MLX: variants seen among roughly 807,000 people sequenced by gnomAD.
MLX encodes MAX dimerization protein MLX, also known as max-like protein X.
MLX carries 15 observed loss-of-function variants against 33.0 expected under a neutral mutation model. The observed-to-expected ratio is 0.45, with a 90% CI of 0.30 to 0.70. MLX has a LOEUF of 0.70. Among genes scored for constraint, MLX ranks in the 30% least tolerant of loss-of-function variants. The pLI, the probability that MLX is intolerant of heterozygous loss-of-function variation, is 0.07. For synonymous variants in MLX, 115 were observed against 115.6 expected (o/e 0.99, Z 0.03); for missense variants, 285 against 306.3 (o/e 0.93, Z 0.52).
rs772657220 is a variant in MLX at position 42,573,163 on chromosome 17, T to C, written c.*1560T>C. 10 of 1,614,226 alleles carry C rather than the reference T, an allele frequency of 6.2e-6. No individual in the cohort carries two copies. Among genetic ancestry groups the C allele is most frequent in the Admixed American group, 5.0e-5 (3 of 60,028 alleles). ...TCAAGTATTGCATCAGACAGCTCTG[T>C]AGCCTGACAAGAAATAAAACCACCC... On this transcript the variant is annotated 3_prime_UTR_variant, in exon 8 of 8. Transcript: ENST00000435881.
intron 7 of MLX, among the ~76,000 whole-genome samples, chr17:42,571,163 A>C (rs867009544): frequency 3.0e-5 from 4 of 131,220 alleles, no homozygotes; most frequent in East Asian, 4.6e-4. Flanking sequence ...TTTGAGACGG[A>C]GTCTCACTCT....
In MLX at chr17:42,572,822, G is replaced by A; in HGVS notation, c.*1219G>A. On this transcript the variant is annotated 3_prime_UTR_variant, in exon 8 of 8. Coordinates refer to ENST00000435881, the MANE Select transcript of MLX (RefSeq NM_198204.2). ...CCTCATCCTCTCTACCCAGTGCTCT[G>A]GTTTATGCTTGTCTCCTGACTGCTC... 1 of 960,770 alleles carries A rather than the reference G, an allele frequency of 1.0e-6. No homozygotes were observed. Among genetic ancestry groups the A allele is most frequent in the Non-Finnish European group, 1.6e-6 (1 of 612,648 alleles). 59.5% of individuals were successfully genotyped at this position (960,770 alleles called of 1,614,324 possible).
chr17:42,569,371 C>G, intron 5 of MLX, 68 bp downstream of exon 5: 1 of 1,541,662 alleles, frequency 6.5e-7, no homozygotes, highest in Non-Finnish European at 9.0e-7. Flanking sequence ...GTGCCTCCTA[C>G]CCACCCATGG....
rs547564696 is a variant in MLX, at chr17:42,571,679, G to C, written c.*76G>C. 3.3e-4 allele frequency: 464 copies of C among 1,390,766 alleles called. 1 individual carries two copies. The highest frequency in any genetic ancestry group is 4.6e-4 in the Non-Finnish European group (448 of 976,590). The allele number at this position is 1,390,766 out of a possible 1,614,324, so 86.2% of individuals were successfully genotyped here. ...ACGTGGCCACTGAACTGCTGGGCCC[G>C]GGAGACTGGACTACAACACCTCACA... On this transcript the variant is annotated 3_prime_UTR_variant, in exon 8 of 8. Transcript: ENST00000435881.
At position 42,570,106 on chromosome 17, in the gene MLX, G is replaced by A. The variant is rs199695342; in HGVS notation, c.601G>A (p.Ala201Thr). 32 of 1,614,028 alleles carry A rather than the reference G, an allele frequency of 2.0e-5. No individual in the cohort carries two copies. The East Asian group carries it at 6.7e-4, about 34-fold the overall frequency. Residue 201 changes from alanine (A) to threonine (T), a missense_variant, in exon 7 of 8, where the codon GCC becomes ACC. Physicochemically the swap from Ala to Thr is moderately conservative, Grantham distance 58 (BLOSUM62 0). Coordinates refer to ENST00000435881, the MANE Select transcript of MLX (RefSeq NM_198204.2). ...GGATTCCCTGTTCCAGTCCTTCAAT[G>A]CCTCCATCTCAGTGGCCAGCTTCCA... ...IMDSLFQSFN[A>T]SISVASFQEL...
chr17:42,572,159 G>A lies in MLX; in HGVS notation c.*556G>A, dbSNP rs1271506152. 5.8e-6 allele frequency: 2 copies of A among 345,056 alleles called. No individual in the cohort carries two copies. Among genetic ancestry groups the A allele is most frequent in the Non-Finnish European group, 1.1e-5 (2 of 177,136 alleles). 21.4% of individuals were successfully genotyped at this position (345,056 alleles called of 1,614,324 possible). On this transcript the variant is annotated 3_prime_UTR_variant, in exon 8 of 8. Transcript: ENST00000435881. ...CTGGTCAGTCCCAGGTGAGGCCAAG[G>A]GCTTTCTGGCCATCTCAGGGAGGGG... is the stretch of plus-strand genomic sequence containing the variant.
rs2093022381 is a variant in MLX at position 42,569,547 on chromosome 17, G to T, written c.417G>T (p.Lys139Asn). The change falls in exon 6 of 8, where the codon AAG becomes AAT. Residue 139 changes from lysine to asparagine, a missense_variant. By Grantham distance (94) the Lys-to-Asn change is moderately conservative (BLOSUM62 0). Transcript: ENST00000435881. ...YIQFLHKEKK[K>N]QEEEVSTLRK... The stretch of plus-strand genomic sequence containing the variant: ...AGTTTTTGCACAAGGAGAAGAAAAA[G>T]CAGGAGGAGGAGGTGTCCACGTTAC... The T allele has an allele frequency of 6.2e-7, 1 of 1,614,102 alleles. No individual in the cohort carries two copies. Among genetic ancestry groups the T allele is most frequent in the Non-Finnish European group, 8.5e-7 (1 of 1,180,022 alleles).
chr17:42,571,654 A>G lies in MLX; in HGVS notation c.*51A>G. 6.4e-7 allele frequency: 1 copy of G among 1,560,904 alleles called. No homozygotes were observed. Among genetic ancestry groups the G allele is most frequent in the Middle Eastern group, 1.7e-4 (1 of 5,898 alleles). On this transcript the variant is annotated 3_prime_UTR_variant, in exon 8 of 8. Coordinates refer to ENST00000435881, the MANE Select transcript of MLX (RefSeq NM_198204.2). ...GCCAACAAGAGGCCCTTGAATCTCT[A>G]CGTGGCCACTGAACTGCTGGGCCCG...
At chr17:42,567,417 G>A (rs1291721967) in intron 1 of MLX, 2 of 1,384,578 alleles carry the variant, frequency 1.4e-6, no homozygotes, top group African/African-American at 1.5e-5. Context: ...ACACAGGGGA[G>A]GCACTCGCAC....
At chr17:42,567,534 G>T (rs1011916815) in intron 1 of MLX, 85 bp from the exon 2 acceptor site, 3 of 1,598,376 alleles carry the variant, frequency 1.9e-6, no homozygotes, top group Non-Finnish European at 2.6e-6. Flanking sequence ...GGAATGGGGG[G>T]CGCGCTGTGC....
intron 7 of MLX, among the ~76,000 whole-genome samples, chr17:42,570,793 C>A (rs1209342735): frequency 2.6e-5 from 4 of 151,860 alleles, no homozygotes; most frequent in Non-Finnish European, 5.9e-5. Flanking sequence ...GTAGCTGGGA[C>A]TACAGGCGTG....
At chr17:42,567,220 A>C (rs1034663129) in intron 1 of MLX, 54 bp downstream of exon 1, 1 of 1,311,608 alleles carries the variant, frequency 7.6e-7, no homozygotes, top group African/African-American at 1.5e-5. Flanking sequence ...GGGCTCGTGC[A>C]CGTAGGGGGG....
rs112842434 is a variant in MLX, at chr17:42,569,650, A to C, written c.476+44A>C. ...GGGGGGAACCAGAACTTCTGAGGCA[A>C]CTTCATTGCACACCCTCCCTTGTTC... is the stretch of plus-strand genomic sequence containing the variant. On this transcript the variant is annotated intron_variant, in intron 6 of 7. Transcript: ENST00000435881. The C allele has an allele frequency of 9.0e-3, 12,621 of 1,406,048 alleles. 937 individuals are homozygous for C. In the African/African-American group the frequency reaches 0.16, roughly 18 times the overall value. The allele number at this position is 1,406,048 out of a possible 1,614,324, so 87.1% of individuals were successfully genotyped here. A position where few individuals can be genotyped will look rare whatever the true frequency, so the allele number is the denominator to read the frequency against.
Position 42,570,065 on chromosome 17 carries a change from T to G in MLX, c.560T>G (p.Val187Gly). 1 of 1,614,182 alleles carries G rather than the reference T, an allele frequency of 6.2e-7. No individual in the cohort carries two copies. Among genetic ancestry groups the G allele is most frequent in the Non-Finnish European group, 8.5e-7 (1 of 1,180,028 alleles). ...GTCTCTGACCAGGTCAAGTTCAACGTGTTTCAAGGCATCATGGATTCCCTG... is the reference window on the plus strand; with the variant it reads ...GTCTCTGACCAGGTCAAGTTCAACGGGTTTCAAGGCATCATGGATTCCCTG... ...DQVSDQVKFN[V>G]FQGIMDSLFQ... Residue 187 changes from valine to glycine, a missense_variant, in exon 7 of 8, where the codon GTG (valine) becomes GGG (glycine). Physicochemically the swap from Val to Gly is moderately radical, Grantham distance 109. Transcript: ENST00000435881.
chr17:42,571,138 C>CTTTTTT (rs928314305), intron 7 of MLX, among the ~76,000 whole-genome samples: 3 of 130,462 alleles, frequency 2.3e-5, no homozygotes, highest in African/African-American at 8.9e-5. Flanking sequence ...TTCCTGGGGG[C>CTTTTTT]TTTTTTTTTT....
intron 2 of MLX, 23 bp from the exon 3 acceptor site, chr17:42,568,447 T>C (rs2143250590): frequency 1.3e-6 from 2 of 1,586,390 alleles, no homozygotes; most frequent in East Asian, 4.5e-5. Context: ...CACCCCTTAG[T>C]GATTGGGGCC....
intron 7 of MLX, among the ~76,000 whole-genome samples, chr17:42,571,215 G>T (rs2143268479): frequency 6.8e-6 from 1 of 147,160 alleles, no homozygotes; most frequent in South Asian, 2.1e-4. Context: ...TCAGCTCACT[G>T]CAACTTCCAC....
intron 1 of MLX, 93 bp downstream of exon 1, chr17:42,567,259 C>T (rs867957511): frequency 7.5e-7 from 1 of 1,334,564 alleles, no homozygotes; most frequent in Middle Eastern, 2.7e-4. Flanking sequence ...CCCTCCTGTC[C>T]CCAAAGTCCC....
intron 2 of MLX, 180 bp downstream of exon 2, chr17:42,567,835 C>A: frequency 1.4e-6 from 1 of 717,620 alleles, no homozygotes; most frequent in South Asian, 1.8e-5. Context: ...ACCTAGTTCC[C>A]TCTGCTCTGG....
Sources: allele counts gnomAD v4.1 joint callset (sites outside exome capture counted in the v4.1 genomes callset), GRCh38; gene constraint gnomAD v4.1.1; transcripts MANE v1.5; gene names NCBI Gene and HGNC (gene_info 2026-07-23, HGNC 2026-07-21).